The following TMEM230 variants were observed in gnomAD, a reference collection of about 807,000 sequenced individuals.
TMEM230 encodes the protein UPF0414 transmembrane protein C20orf30.
A neutral mutation model predicts 15.8 loss-of-function variants in TMEM230; 10 were observed. The observed-to-expected ratio is 0.63, with a 90% CI of 0.39 to 1.07. The LOEUF is 1.07. TMEM230 is among the 50% of genes least tolerant of loss of function. The probability of loss-of-function intolerance (pLI) is 0.01; values close to 1 mark genes in which losing one functional copy is unlikely to be tolerated. For missense variants in TMEM230, 165 were observed against 193.3 expected, an observed-to-expected ratio of 0.85 and a Z score of 0.87; for synonymous variants, 67 against 76.9, an observed-to-expected ratio of 0.87 and a Z score of 0.68.
intron 3 of TMEM230, among the ~76,000 whole-genome samples, chr20:5,082,034 T>C (rs1295249052): frequency 6.6e-6 from 1 of 151,160 alleles, no homozygotes; most frequent in Non-Finnish European, 1.5e-5. Flanking sequence ...CCACCACGCC[T>C]GGCTAATTTT....
intron 2 of TMEM230, among the ~76,000 whole-genome samples, chr20:5,109,954 C>T (rs939085774): frequency 1.3e-5 from 2 of 152,242 alleles, no homozygotes; most frequent in Non-Finnish European, 1.5e-5. Context: ...AATACACTCA[C>T]ATCAGCATTT....
At chr20:5,108,190 C>A (rs928163716) in intron 3 of TMEM230, among the ~76,000 whole-genome samples, 1 of 151,872 alleles carries the variant, frequency 6.6e-6, no homozygotes, top group Non-Finnish European at 1.5e-5. Flanking sequence ...GAGGCCGAGG[C>A]AGGATGATCA....
At chr20:5,110,268 C>A (rs913777247) in intron 2 of TMEM230, among the ~76,000 whole-genome samples, 1 of 151,066 alleles carries the variant, frequency 6.6e-6, no homozygotes, top group South Asian at 2.1e-4. Flanking sequence ...CCATGGTGGC[C>A]GGGCTGGTCT....
downstream of TMEM230, among the ~76,000 whole-genome samples, chr20:5,097,289 A>C (rs1354316246): frequency 6.6e-6 from 1 of 152,220 alleles, no homozygotes; most frequent in Non-Finnish European, 1.5e-5. Context: ...GTGAAGCTCA[A>C]CCAAGAGACC....
At chr20:5,083,936 T>C (rs892887637) in intron 3 of TMEM230, among the ~76,000 whole-genome samples, 5 of 152,194 alleles carry the variant, frequency 3.3e-5, no homozygotes, top group Non-Finnish European at 7.3e-5. Context: ...GGGTTTGGTA[T>C]ACTGACTATT....
intron 2 of TMEM230, among the ~76,000 whole-genome samples, chr20:5,109,899 A>G (rs1194616962): frequency 6.6e-6 from 1 of 152,186 alleles, no homozygotes; most frequent in Non-Finnish European, 1.5e-5. Context: ...ATATACTCAA[A>G]TGATTCTCTT....
In TMEM230 at chr20:5,100,021, A is replaced by T. The variant is rs1402909853; in HGVS notation, c.*770T>A. 1 of 985,212 alleles carries T rather than the reference A, an allele frequency of 1.0e-6. No individual in the cohort carries two copies. Among genetic ancestry groups the T allele is most frequent in the Non-Finnish European group, 1.2e-6 (1 of 829,872 alleles). 61.0% of individuals were successfully genotyped at this position (985,212 alleles called of 1,614,324 possible). A position where few individuals can be genotyped will look rare whatever the true frequency, so the allele number is the denominator to read the frequency against. ...ATGAGCAGAATGATGACATACTACA[A>T]GGTGCTAGCAATACGGCTATAAACT... On this transcript the variant is annotated 3_prime_UTR_variant, in exon 5 of 5. Coordinates refer to ENST00000342308, the MANE Select transcript of TMEM230 (RefSeq NM_001009923.2).
intron 4 of TMEM230, among the ~76,000 whole-genome samples, chr20:5,103,102 G>A (rs772039990): frequency 3.3e-5 from 5 of 152,158 alleles, no homozygotes; most frequent in Non-Finnish European, 7.4e-5. Context: ...GGTGGCTCAC[G>A]CCTGTAATCC....
intron 3 of TMEM230, 173 bp downstream of exon 2, chr20:5,109,159 C>A: frequency 1.8e-6 from 1 of 541,410 alleles, no homozygotes; most frequent in Non-Finnish European, 3.3e-6. Flanking sequence ...TGAAACTACC[C>A]TGCCACGGCC....
downstream of TMEM230, among the ~76,000 whole-genome samples, chr20:5,097,749 C>T (rs1276853819): frequency 6.6e-6 from 1 of 152,044 alleles, no homozygotes; most frequent in Non-Finnish European, 1.5e-5. Context: ...GATTCTCCTG[C>T]CTCAGCCTCC....
downstream of TMEM230, among the ~76,000 whole-genome samples, chr20:5,063,856 A>G (rs1428266532): frequency 1.3e-5 from 2 of 152,144 alleles, no homozygotes; most frequent in Admixed American, 6.6e-5. Context: ...GGAAATAAAA[A>G]CACAAATTAC....
At chr20:5,070,201 C>T (rs368111281) in intron 3 of TMEM230, among the ~76,000 whole-genome samples, 157 of 152,240 alleles carry the variant, frequency 1.0e-3, no homozygotes, top group Middle Eastern at 6.8e-3. Flanking sequence ...CTGGAAAGGC[C>T]GTGCATCAAC....
chr20:5,089,520 G>A (rs889675995), intron 3 of TMEM230, among the ~76,000 whole-genome samples: 8 of 151,766 alleles, frequency 5.3e-5, no homozygotes, highest in Non-Finnish European at 7.4e-5. Flanking sequence ...GATCAACATG[G>A]CAAAACCCCG....
At chr20:5,089,684 G>T (rs1396875106) in intron 3 of TMEM230, among the ~76,000 whole-genome samples, 1 of 152,000 alleles carries the variant, frequency 6.6e-6, no homozygotes, top group Non-Finnish European at 1.5e-5. Context: ...CTGGGCAACA[G>T]AGTGAGACTC....
chr20:5,087,284 T>C (rs4142245), intron 3 of TMEM230, among the ~76,000 whole-genome samples: 82,680 of 151,854 alleles, frequency 0.54, 23,036 homozygotes, highest in East Asian at 0.84. Flanking sequence ...ATGTAGCTGT[T>C]TCCCTCCTAG....
chr20:5,063,928 T>A (rs2088629150), downstream of TMEM230, among the ~76,000 whole-genome samples: 2 of 152,082 alleles, frequency 1.3e-5, no homozygotes, highest in Non-Finnish European at 2.9e-5. Context: ...GTGGCCAAAG[T>A]GGTACTTAGG....
At chr20:5,107,264 G>C (rs1218879156) in intron 3 of TMEM230, among the ~76,000 whole-genome samples, 1 of 152,126 alleles carries the variant, frequency 6.6e-6, no homozygotes, top group African/African-American at 2.4e-5. Context: ...TTGCACCACT[G>C]CACTCCAGCC....
At chr20:5,073,169 G>A (rs868472355) in intron 3 of TMEM230, among the ~76,000 whole-genome samples, 1 of 152,136 alleles carries the variant, frequency 6.6e-6, no homozygotes, top group African/African-American at 2.4e-5. Flanking sequence ...CAAAGCAAGA[G>A]ATCTGGACTT....
chr20:5,087,421 A>C (rs1020096676), intron 3 of TMEM230, among the ~76,000 whole-genome samples: 5 of 151,896 alleles, frequency 3.3e-5, no homozygotes, highest in Non-Finnish European at 5.9e-5. Context: ...CCAGATTTAG[A>C]TGATGAGCTG....
Sources: gnomAD v4.1 joint callset for allele counts (sites outside exome capture counted in the v4.1 genomes callset) on GRCh38, gnomAD v4.1.1 for gene constraint, MANE v1.5 for transcripts, NCBI Gene and HGNC (gene_info 2026-07-23, HGNC 2026-07-21) for gene names.